CACNB4: variants seen among roughly 807,000 people sequenced by gnomAD.
The protein encoded by CACNB4 is calcium voltage-gated channel auxiliary subunit beta 4, also known as voltage-dependent L-type calcium channel subunit beta-4.
A neutral mutation model predicts 71.2 loss-of-function variants in CACNB4; 32 were observed. That is an observed-to-expected ratio of 0.45 (90% CI 0.34 to 0.60). The LOEUF (loss-of-function observed/expected upper bound fraction) is 0.60, where lower values mean the gene tolerates loss of function less well. Among genes scored for constraint, CACNB4 ranks in the 20% least tolerant of loss-of-function variants. CACNB4 has a pLI of 0.01. For synonymous variants in CACNB4, 231 were observed against 236.9 expected (o/e 0.97, Z 0.23); for missense variants, 464 against 647.9 (o/e 0.72, Z 3.08).
intron 12 of CACNB4, among the ~76,000 whole-genome samples, chr2:151,849,267 T>C (rs1221640476): frequency 2.0e-5 from 3 of 152,184 alleles, no homozygotes; most frequent in Non-Finnish European, 2.9e-5. Flanking sequence ...CTCTGTGATT[T>C]TTTTTTCTTT....
intron 2 of CACNB4, among the ~76,000 whole-genome samples, chr2:151,992,733 A>G (rs1681780509): frequency 6.6e-6 from 1 of 152,168 alleles, no homozygotes; most frequent in Admixed American, 6.5e-5. Flanking sequence ...CCTTAGTCCC[A>G]TTTCTCACCT....
chr2:152,035,651 C>CTCTCTCTCTCTA (rs796161186), intron 2 of CACNB4, among the ~76,000 whole-genome samples: 4,953 of 117,780 alleles, frequency 0.042, 196 homozygotes, highest in Non-Finnish European at 0.057. Flanking sequence ...CTCTCTCTCT[C>CTCTCTCTCTCTA]TATATATATA....
intron 2 of CACNB4, among the ~76,000 whole-genome samples, chr2:151,998,345 T>C (rs1157244673): frequency 7.1e-6 from 1 of 141,086 alleles, no homozygotes; most frequent in Non-Finnish European, 1.5e-5. Flanking sequence ...AAAAAAAAAG[T>C]TGAAATTAAG....
intron 2 of CACNB4, among the ~76,000 whole-genome samples, chr2:151,886,266 G>T (rs537229466): frequency 6.6e-6 from 1 of 152,278 alleles, no homozygotes; most frequent in East Asian, 1.9e-4. Flanking sequence ...CGTAAGTCAG[G>T]AAGAAGGCAC....
intron 2 of CACNB4, among the ~76,000 whole-genome samples, chr2:152,057,177 C>G (rs1458333878): frequency 6.6e-6 from 1 of 152,126 alleles, no homozygotes; most frequent in Non-Finnish European, 1.5e-5. Context: ...CTGTCAACAG[C>G]CAGCAAGGAA....
At chr2:151,965,536 A>T (rs2099870853) in intron 2 of CACNB4, among the ~76,000 whole-genome samples, 1 of 152,244 alleles carries the variant, frequency 6.6e-6, no homozygotes, top group Non-Finnish European at 1.5e-5. Context: ...AAGCAAGAAA[A>T]CACTGAACAA....
intron 2 of CACNB4, among the ~76,000 whole-genome samples, chr2:151,960,422 G>T (rs1456899713): frequency 1.3e-5 from 2 of 152,146 alleles, no homozygotes. Flanking sequence ...ACTGCTAAAA[G>T]CAAGGAGAAA....
At chr2:151,981,612 G>A (rs989068622) in intron 2 of CACNB4, among the ~76,000 whole-genome samples, 1 of 152,058 alleles carries the variant, frequency 6.6e-6, no homozygotes, top group Non-Finnish European at 1.5e-5. Flanking sequence ...ACATATTTTT[G>A]GAGAAACACT....
intron 10 of CACNB4, among the ~76,000 whole-genome samples, chr2:151,856,255 T>C (rs2099840291): frequency 6.6e-6 from 1 of 151,820 alleles, no homozygotes; most frequent in African/African-American, 2.4e-5. Context: ...ACCTGACTTA[T>C]TGGATCATGC....
intron 6 of CACNB4, 98 bp from the exon 7 acceptor site, chr2:151,870,959 T>C: frequency 1.2e-6 from 1 of 863,818 alleles, no homozygotes; most frequent in Non-Finnish European, 1.8e-6. Context: ...TTTGTCCCTG[T>C]AATTATCTTC....
chr2:152,055,015 C>A (rs1172119293), intron 2 of CACNB4, among the ~76,000 whole-genome samples: 1 of 152,016 alleles, frequency 6.6e-6, no homozygotes, highest in Non-Finnish European at 1.5e-5. Flanking sequence ...TGTGGGTTGT[C>A]TTCTTTTTTG....
chr2:151,870,609 C>T lies in CACNB4; in HGVS notation c.621G>A (p.Thr207=), dbSNP rs778919621. ...CAACATCGTAAGGAGGAATGTGCTC[C>T]GTCTGAAAAAGATGATTCGACACGC... ...TSTAKQKQKV[T]EHIPPYDVVP... Residue 207 remains threonine, a splice_region_variant and synonymous_variant, in exon 8 of 14, where the codon ACG becomes ACA. Transcript: ENST00000539935. 1.3e-5 allele frequency: 21 copies of T among 1,612,868 alleles called. No individual in the cohort carries two copies. The highest frequency in any genetic ancestry group is 6.7e-5 in the East Asian group (3 of 44,882).
intron 2 of CACNB4, among the ~76,000 whole-genome samples, chr2:152,047,000 C>T (rs1197105917): frequency 6.6e-6 from 1 of 152,180 alleles, no homozygotes; most frequent in Non-Finnish European, 1.5e-5. Context: ...GCCTCCCCAG[C>T]TTCCTCTCAG....
intron 2 of CACNB4, among the ~76,000 whole-genome samples, chr2:151,946,448 T>C (rs2099865641): frequency 6.6e-6 from 1 of 152,084 alleles, no homozygotes; most frequent in African/African-American, 2.4e-5. Context: ...CTAGTCACCC[T>C]AAGGGGCCTC....
intron 2 of CACNB4, among the ~76,000 whole-genome samples, chr2:151,979,275 G>T (rs1183966363): frequency 6.6e-6 from 1 of 152,040 alleles, no homozygotes; most frequent in Admixed American, 6.6e-5. Context: ...TGAATATATG[G>T]ACTAGCTCCC....
At chr2:151,946,710 AT>A (rs1219302667) in intron 2 of CACNB4, among the ~76,000 whole-genome samples, 3 of 152,134 alleles carry the variant, frequency 2.0e-5, no homozygotes, top group African/African-American at 7.2e-5. Flanking sequence ...ACCTGGTACA[AT>A]GGGGTGGAAA....
At chr2:152,029,570 G>T (rs184264326) in intron 2 of CACNB4, among the ~76,000 whole-genome samples, 2 of 151,774 alleles carry the variant, frequency 1.3e-5, no homozygotes, top group Non-Finnish European at 2.9e-5. Context: ...TCTGCCACAT[G>T]AAGACACAGC....
chr2:151,958,255 A>G (rs2099868815), intron 2 of CACNB4, among the ~76,000 whole-genome samples: 1 of 152,242 alleles, frequency 6.6e-6, no homozygotes, highest in Admixed American at 6.5e-5. Flanking sequence ...AGCTTCCTCT[A>G]TAGTTTCCAA....
At chr2:151,963,175 G>C (rs1297153229) in intron 2 of CACNB4, among the ~76,000 whole-genome samples, 1 of 151,962 alleles carries the variant, frequency 6.6e-6, no homozygotes, top group African/African-American at 2.4e-5. Flanking sequence ...AGCCAGGCGT[G>C]GTGACGGGCA....
Sources: allele counts gnomAD v4.1 joint callset (sites outside exome capture counted in the v4.1 genomes callset), GRCh38; gene constraint gnomAD v4.1.1; transcripts MANE v1.5; gene names NCBI Gene and HGNC (gene_info 2026-07-23, HGNC 2026-07-21).